SCGB1C1: variants seen among roughly 807,000 people sequenced by gnomAD.
SCGB1C1 encodes secretoglobin family 1C member 1.
Under a neutral mutation model 8.9 loss-of-function variants are expected in SCGB1C1, and 2 were observed. The observed-to-expected ratio is 0.23, with a 90% CI of 0.09 to 0.71. The LOEUF is 0.71. Ranked by LOEUF, SCGB1C1 falls within the 30% of genes least tolerant of loss-of-function variation. SCGB1C1 has a pLI of 0.78. For missense variants in SCGB1C1, 25 were observed against 112.7 expected (o/e 0.22, Z 3.52); for synonymous variants, 6 against 45.8 (o/e 0.13, Z 3.51).
chr11:192,593 G>A (rs2280542), upstream of SCGB1C1, among the ~76,000 whole-genome samples: 17,457 of 146,038 alleles, frequency 0.12, 444 homozygotes, highest in South Asian at 0.28. Flanking sequence ...GTGTCCACTC[G>A]TGCAGCCTGC....
At chr11:192,042 T>G (rs1854822819), upstream of SCGB1C1, among the ~76,000 whole-genome samples, 5 of 152,196 alleles carry the variant, frequency 3.3e-5, no homozygotes, top group Admixed American at 3.3e-4. Flanking sequence ...TTTTCCAGGA[T>G]GGGATTTTAT....
upstream of SCGB1C1, among the ~76,000 whole-genome samples, chr11:191,725 G>T (rs1300641381): frequency 6.6e-6 from 1 of 152,294 alleles, no homozygotes; most frequent in Non-Finnish European, 1.5e-5. Context: ...ATGACAAATT[G>T]CTGAAGGAAA....
At chr11:189,895 G>T (rs1241438644), upstream of SCGB1C1, among the ~76,000 whole-genome samples, 12 of 152,124 alleles carry the variant, frequency 7.9e-5, no homozygotes, top group African/African-American at 2.4e-4. Context: ...CAGGCAGCTA[G>T]GGACGTTGCA....
At chr11:191,868 A>ACCCCTAAC (rs151168670), upstream of SCGB1C1, among the ~76,000 whole-genome samples, 42 of 46,650 alleles carry the variant, frequency 9.0e-4, no homozygotes, top group Non-Finnish European at 9.9e-4. Flanking sequence ...CTAACCCCTA[A>ACCCCTAAC]CCCTAACCCT....
chr11:190,404 G>C (rs1464920575), upstream of SCGB1C1, among the ~76,000 whole-genome samples: 45 of 134,934 alleles, frequency 3.3e-4, no homozygotes, highest in Non-Finnish European at 5.4e-4. Context: ...CCCAGTTCTT[G>C]TTTAACTTGG....
At chr11:188,491 A>G (rs370925224), upstream of SCGB1C1, among the ~76,000 whole-genome samples, 370 of 152,344 alleles carry the variant, frequency 2.4e-3, no homozygotes, top group African/African-American at 8.2e-3. Context: ...AAAATTATGT[A>G]CAAAACTAAA....
At chr11:190,340 A>C (rs1365923428), upstream of SCGB1C1, among the ~76,000 whole-genome samples, 1 of 137,872 alleles carries the variant, frequency 7.3e-6, no homozygotes, top group African/African-American at 2.5e-5. Flanking sequence ...ATTAAGCCCC[A>C]TCAGTTCTGT....
At chr11:189,743 C>T (rs1200520797), upstream of SCGB1C1, among the ~76,000 whole-genome samples, 2 of 152,322 alleles carry the variant, frequency 1.3e-5, no homozygotes, top group Non-Finnish European at 2.9e-5. Context: ...CGCTTGCCCG[C>T]GGTGCTGTCC....
upstream of SCGB1C1, among the ~76,000 whole-genome samples, chr11:191,779 C>G (rs1854811466): frequency 6.6e-6 from 1 of 152,308 alleles, no homozygotes; most frequent in Non-Finnish European, 1.5e-5. Context: ...GCGTATAAGA[C>G]CAAAATACGC....
At chr11:189,538 T>C (rs1480629241), upstream of SCGB1C1, among the ~76,000 whole-genome samples, 1 of 16,762 alleles carries the variant, frequency 6.0e-5, no homozygotes, top group African/African-American at 3.5e-4. Flanking sequence ...CGCACGTCGT[T>C]AGGCTGTGGG....
upstream of SCGB1C1, among the ~76,000 whole-genome samples, chr11:191,335 TA>T (rs1364489447): frequency 8.3e-6 from 1 of 120,868 alleles, no homozygotes; most frequent in African/African-American, 2.9e-5. Flanking sequence ...TTGGGTTTGG[TA>T]ATGAATTTTA....
intron 1 of SCGB1C1, 42 bp downstream of exon 1, chr11:193,196 G>C (rs752914006): frequency 4.6e-6 from 3 of 652,416 alleles, no homozygotes; most frequent in South Asian, 1.7e-5. Context: ...TTCAGGGGTG[G>C]GGGGGAGTGG....
chr11:189,610 G>A (rs1242407648), upstream of SCGB1C1, among the ~76,000 whole-genome samples: 2 of 152,252 alleles, frequency 1.3e-5, no homozygotes, highest in East Asian at 1.9e-4. Context: ...GAGCGCGGGG[G>A]TGGAGCGTTG....
upstream of SCGB1C1, among the ~76,000 whole-genome samples, chr11:190,693 G>C (rs1451609626): frequency 2.6e-5 from 4 of 152,356 alleles, no homozygotes; most frequent in Non-Finnish European, 5.9e-5. Flanking sequence ...ACTGTTGGTT[G>C]AGGTACATGT....
chr11:193,503 T>C (rs1172212217), intron 1 of SCGB1C1, among the ~76,000 whole-genome samples: 1 of 151,978 alleles, frequency 6.6e-6, no homozygotes, highest in Non-Finnish European at 1.5e-5. Flanking sequence ...TGAGTGGAAA[T>C]TGGAGCAGCT....
chr11:191,771 G>A (rs80122180), upstream of SCGB1C1, among the ~76,000 whole-genome samples: 6 of 152,240 alleles, frequency 3.9e-5, no homozygotes, highest in African/African-American at 9.6e-5. Flanking sequence ...GGAACACAGC[G>A]TATAAGACCA....
upstream of SCGB1C1, among the ~76,000 whole-genome samples, chr11:190,151 G>A (rs1262390915): frequency 2.2e-4 from 11 of 49,796 alleles, 1 homozygote; most frequent in Non-Finnish European, 4.0e-4. Context: ...GACACTGCAG[G>A]GCCCTCTTGC....
chr11:190,850 C>G (rs1854790947), upstream of SCGB1C1, among the ~76,000 whole-genome samples: 1 of 150,560 alleles, frequency 6.6e-6, no homozygotes, highest in African/African-American at 2.5e-5. Context: ...CCAGGTTTCT[C>G]TTAAGAATGT....
chr11:189,508 G>T (rs1854739570), upstream of SCGB1C1, among the ~76,000 whole-genome samples: 1 of 148,026 alleles, frequency 6.8e-6, no homozygotes, highest in Admixed American at 6.7e-5. Context: ...GCGGGGGGAG[G>T]CGCGGCGCAG....
Sources: gnomAD v4.1 joint callset for allele counts (sites outside exome capture counted in the v4.1 genomes callset) on GRCh38, gnomAD v4.1.1 for gene constraint, MANE v1.5 for transcripts, NCBI Gene and HGNC (gene_info 2026-07-23, HGNC 2026-07-21) for gene names.